SAMD5: variants seen among roughly 807,000 people sequenced by gnomAD.
SAMD5 encodes sterile alpha motif domain-containing protein 5.
Under a neutral mutation model 11.3 loss-of-function variants are expected in SAMD5, and 13 were observed. The ratio of observed to expected loss-of-function variants is 1.15; its 90% CI spans 0.75 to 1.83. SAMD5 has a LOEUF of 1.83. SAMD5 is among the 40% of genes most tolerant of loss of function. SAMD5 has a pLI of 0.00. For synonymous variants in SAMD5, 129 were observed against 111.3 expected, an observed-to-expected ratio of 1.16 and a Z score of -1.00; for missense variants, 255 against 239.1, an observed-to-expected ratio of 1.07 and a Z score of -0.44.
intron 1 of SAMD5, among the ~76,000 whole-genome samples, chr6:147,522,709 T>C (rs117515124): frequency 6.6e-6 from 1 of 152,204 alleles, no homozygotes; most frequent in African/African-American, 2.4e-5. Context: ...ATCACTTCAA[T>C]GGTTGTTGTC....
chr6:147,518,192 A>G (rs1323512450), intron 1 of SAMD5, among the ~76,000 whole-genome samples: 1 of 152,160 alleles, frequency 6.6e-6, no homozygotes, highest in Admixed American at 6.6e-5. Context: ...GGATTTGGAT[A>G]GTGTAACGGT....
chr6:147,773,746 A>C, the SAMD5 span, among the ~76,000 whole-genome samples: 1 of 152,276 alleles, frequency 6.6e-6, no homozygotes, highest in Non-Finnish European at 1.5e-5. Flanking sequence ...CATATGGGGG[A>C]ATAGATGTCA....
rs184595734 is a variant in SAMD5, at chr6:147,710,338, C to T, written c.163-26979C>T. Among the ~76,000 whole-genome samples the T allele has an allele frequency of 4.2e-3, 639 of 152,296 alleles. 2 individuals are homozygous for T. The highest frequency in any genetic ancestry group is 7.1e-3 in the Non-Finnish European group (486 of 68,028). Reference sequence around the variant, plus strand: ...GCTCACTCTCTGAGGTTTTAGTTGCCTATGGTTAACTGTGGTCCAAAAATA... The same window carrying T: ...GCTCACTCTCTGAGGTTTTAGTTGCTTATGGTTAACTGTGGTCCAAAAATA... On this transcript the variant is annotated intron_variant, in intron 1 of 1. Coordinates refer to the SAMD5 transcript ENST00000566741.
chr6:147,584,125 CTA>C (rs1386807180), intron 1 of SAMD5, among the ~76,000 whole-genome samples: 1 of 151,948 alleles, frequency 6.6e-6, no homozygotes, highest in African/African-American at 2.4e-5. Context: ...ATTGGTGTGA[CTA>C]TAGGCATTTT....
chr6:147,509,519 C>T, intron 1 of SAMD5, 132 bp downstream of exon 1: 1 of 695,168 alleles, frequency 1.4e-6, no homozygotes, highest in South Asian at 2.0e-5. Context: ...ATCTGGGACC[C>T]TTTTCTATGT....
chr6:147,742,696 A>G, the SAMD5 span, among the ~76,000 whole-genome samples: 1 of 152,192 alleles, frequency 6.6e-6, no homozygotes, highest in South Asian at 2.1e-4. Context: ...ACAGTTGGAC[A>G]TTGGAATGTA....
chr6:147,909,623 T>TC, the SAMD5 span, among the ~76,000 whole-genome samples: 1 of 64,086 alleles, frequency 1.6e-5, no homozygotes, highest in African/African-American at 9.7e-5. Context: ...TTTCTTTCTT[T>TC]CTTTCTTTCT....
At chr6:147,706,168 G>T (rs191248191) in intron 1 of SAMD5, among the ~76,000 whole-genome samples, 2 of 152,106 alleles carry the variant, frequency 1.3e-5, no homozygotes, top group Non-Finnish European at 2.9e-5. Flanking sequence ...TAACTATTTG[G>T]TTATGATTGT....
At chr6:147,915,887 G>A in the SAMD5 span, among the ~76,000 whole-genome samples, 2 of 149,718 alleles carry the variant, frequency 1.3e-5, no homozygotes, top group African/African-American at 4.9e-5. Context: ...ATCTCCTAAT[G>A]CTATCCCTCC....
intron 1 of SAMD5, among the ~76,000 whole-genome samples, chr6:147,694,587 T>C (rs9403878): frequency 0.78 from 117,543 of 150,166 alleles, 45,558 homozygotes; most frequent in African/African-American, 0.83. Flanking sequence ...GAGGCCAAGG[T>C]GGGTGGATCG....
At chr6:147,597,442 A>G (rs1022410750) in intron 1 of SAMD5, among the ~76,000 whole-genome samples, 1 of 152,152 alleles carries the variant, frequency 6.6e-6, no homozygotes, top group Non-Finnish European at 1.5e-5. Context: ...ATTTGTAATT[A>G]CTTGAGGTTA....
At chr6:147,631,666 C>A (rs1429518346) in intron 1 of SAMD5, among the ~76,000 whole-genome samples, 2 of 152,116 alleles carry the variant, frequency 1.3e-5, no homozygotes, top group African/African-American at 2.4e-5. Context: ...GTGGGAAACG[C>A]CTCTACCCAC....
chr6:147,935,525 C>T, the SAMD5 span, among the ~76,000 whole-genome samples: 1 of 152,180 alleles, frequency 6.6e-6, no homozygotes, highest in Non-Finnish European at 1.5e-5. Context: ...ATATAATTCA[C>T]ACTTAACATC....
chr6:147,841,491 G>T, the SAMD5 span, among the ~76,000 whole-genome samples: 1 of 152,194 alleles, frequency 6.6e-6, no homozygotes, highest in South Asian at 2.1e-4. Context: ...TAGAATGAGA[G>T]CTCAGTTCTC....
At chr6:147,713,751 T>C (rs117388866) in intron 1 of SAMD5, among the ~76,000 whole-genome samples, 3,145 of 152,160 alleles carry the variant, frequency 0.021, 62 homozygotes, top group Non-Finnish European at 0.026. Flanking sequence ...TCTTTATCTT[T>C]CCAAGCAAAA....
At chr6:147,750,827 C>T in the SAMD5 span, among the ~76,000 whole-genome samples, 12 of 152,274 alleles carry the variant, frequency 7.9e-5, no homozygotes, top group Non-Finnish European at 1.5e-4. Context: ...GAGGCTGAGG[C>T]AAGAGAATAG....
At chr6:147,763,547 G>T in the SAMD5 span, among the ~76,000 whole-genome samples, 1,745 of 151,726 alleles carry the variant, frequency 0.012, 33 homozygotes, top group African/African-American at 0.041. Flanking sequence ...TCCTGTTCCG[G>T]ACTACATTAC....
At chr6:147,766,062 C>A in the SAMD5 span, among the ~76,000 whole-genome samples, 1 of 144,848 alleles carries the variant, frequency 6.9e-6, no homozygotes, top group East Asian at 2.0e-4. Flanking sequence ...AAACAGAGAC[C>A]AAGGCAGTGC....
chr6:147,564,814 A>G lies in SAMD5; in HGVS notation c.*358A>G. On this transcript the variant is annotated 3_prime_UTR_variant, in exon 2 of 2. Coordinates refer to ENST00000367474, the MANE Select transcript of SAMD5 (RefSeq NM_001030060.3). ...TGAGTCATAACTTAGTTTAAGTACA[A>G]TATAACAAAAAGGTAGATTTCTGAC... The G allele has an allele frequency of 1.0e-6, 1 of 985,862 alleles. No homozygotes were observed. Among genetic ancestry groups the G allele is most frequent in the Non-Finnish European group, 1.2e-6 (1 of 827,538 alleles). 61.1% of individuals were successfully genotyped at this position (985,862 alleles called of 1,614,324 possible).
Sources: allele counts gnomAD v4.1 joint callset (sites outside exome capture counted in the v4.1 genomes callset), GRCh38; gene constraint gnomAD v4.1.1; transcripts MANE v1.5; gene names NCBI Gene and HGNC (gene_info 2026-07-23, HGNC 2026-07-21).